Variants in PAK5 observed in about 807,000 individuals in gnomAD.
PAK5 encodes serine/threonine-protein kinase PAK 5.
PAK5 carries 16 observed loss-of-function variants against 65.9 expected under a neutral mutation model. That is an observed-to-expected ratio of 0.24 (90% CI 0.16 to 0.37). The LOEUF (loss-of-function observed/expected upper bound fraction) is 0.37. Among genes scored for constraint, PAK5 ranks in the 10% least tolerant of loss-of-function variants. The pLI is 1.00. For synonymous variants in PAK5, 371 were observed against 354.9 expected, an observed-to-expected ratio of 1.05 and a Z score of -0.51; for missense variants, 785 against 903.9, an observed-to-expected ratio of 0.87 and a Z score of 1.69.
intron 1 of PAK5, among the ~76,000 whole-genome samples, chr20:9,721,436 T>A (rs2048212098): frequency 6.6e-6 from 1 of 151,746 alleles, no homozygotes; most frequent in Non-Finnish European, 1.5e-5. Flanking sequence ...TCAGCTGAGG[T>A]CAGGAGTTTG....
At chr20:9,582,790 A>G (rs2046002034) in intron 3 of PAK5, among the ~76,000 whole-genome samples, 1 of 152,136 alleles carries the variant, frequency 6.6e-6, no homozygotes, top group African/African-American at 2.4e-5. Flanking sequence ...ATTTATTTAT[A>G]TATAAGGATG....
chr20:9,674,161 C>T (rs930894936), intron 2 of PAK5, among the ~76,000 whole-genome samples: 1 of 152,166 alleles, frequency 6.6e-6, no homozygotes, highest in Non-Finnish European at 1.5e-5. Flanking sequence ...AATGGCACGG[C>T]CTTGCTGAAG....
chr20:9,786,140 A>C (rs936789372), intron 1 of PAK5, among the ~76,000 whole-genome samples: 9 of 152,170 alleles, frequency 5.9e-5, no homozygotes, highest in Non-Finnish European at 1.3e-4. Context: ...AAAAGATGAA[A>C]TAATTAAGGG....
intron 3 of PAK5, among the ~76,000 whole-genome samples, chr20:9,590,529 C>T (rs2046150356): frequency 6.6e-6 from 1 of 151,310 alleles, no homozygotes; most frequent in African/African-American, 2.4e-5. Context: ...TCAGGCCCTT[C>T]ACAGAAAAAG....
At chr20:9,728,632 C>T (rs1210750361) in intron 1 of PAK5, among the ~76,000 whole-genome samples, 2 of 152,142 alleles carry the variant, frequency 1.3e-5, no homozygotes, top group East Asian at 3.8e-4. Flanking sequence ...CAACTAAATA[C>T]ATTTTGGATC....
intron 1 of PAK5, among the ~76,000 whole-genome samples, chr20:9,774,558 T>C (rs375102111): frequency 2.0e-5 from 3 of 152,324 alleles, no homozygotes; most frequent in South Asian, 4.1e-4. Context: ...GGATTATTCA[T>C]GGCAGCTTTA....
intron 1 of PAK5, among the ~76,000 whole-genome samples, chr20:9,786,888 G>A (rs752632840): frequency 2.6e-5 from 4 of 152,054 alleles, no homozygotes; most frequent in Admixed American, 6.6e-5. Flanking sequence ...TATAGCTAAA[G>A]GCAAGTCCTA....
chr20:9,552,267 C>T (rs749476787), intron 7 of PAK5, among the ~76,000 whole-genome samples: 23 of 152,150 alleles, frequency 1.5e-4, no homozygotes, highest in Non-Finnish European at 2.8e-4. Flanking sequence ...GTTTGAATTC[C>T]GGCCAATGAA....
chr20:9,544,261 A>G (rs2045309914), intron 8 of PAK5, 108 bp downstream of exon 8: 1 of 1,180,808 alleles, frequency 8.5e-7, no homozygotes, highest in Non-Finnish European at 1.2e-6. Context: ...TCAAATGTGG[A>G]GCTAAAAGTC....
rs1033527147 is a variant in PAK5 at position 9,553,685 on chromosome 20, T to C, written c.1743+3923A>G. On this transcript the variant is annotated intron_variant, in intron 7 of 9. Transcript: ENST00000353224. Reference sequence around the variant, plus strand: ...CAAGTTCTCGTGTGTATCAATTGTTTGTTTTTATTGTTAAGTGGTATTCCA... The same window carrying C: ...CAAGTTCTCGTGTGTATCAATTGTTCGTTTTTATTGTTAAGTGGTATTCCA... Among the ~76,000 whole-genome samples, 46 of 152,332 alleles carry C rather than the reference T, an allele frequency of 3.0e-4. 1 individual carries two copies. The highest frequency in any genetic ancestry group is 2.9e-3 in the Admixed American group (45 of 15,302).
intron 2 of PAK5, among the ~76,000 whole-genome samples, chr20:9,702,530 G>A (rs1319641734): frequency 1.3e-5 from 2 of 152,118 alleles, no homozygotes; most frequent in Non-Finnish European, 2.9e-5. Flanking sequence ...AATTAAAAAC[G>A]GAATAAACAT....
At position 9,542,590 on chromosome 20, in the gene PAK5, T is replaced by C. The variant is rs2045282913; in HGVS notation, c.2000A>G (p.His667Arg). The C allele has an allele frequency of 6.2e-7, 1 of 1,614,026 alleles. No individual in the cohort carries two copies. The highest frequency in any genetic ancestry group is 8.5e-7 in the Non-Finnish European group (1 of 1,179,998). ...DSLPPRVKDL[H>R]KVSSVLRGFL... is the part of the protein sequence containing the mutation. ...GCAACAGCTGCTGTTTCTCACCTTG[T>C]GTAGGTCCTTCACTCTTGGAGGTAA... Residue 667 changes from histidine to arginine, a missense_variant, in exon 9 of 10, where the codon CAC becomes CGC. His to Arg is a conservative substitution (Grantham distance 29). Around this residue, in one of 4 missense-constraint regions of PAK5, gnomAD observed 110 missense variants for 107.4 expected, o/e 1.02. Coordinates refer to ENST00000353224, the MANE Select transcript of PAK5 (RefSeq NM_177990.4).
chr20:9,786,578 G>A (rs975756779), intron 1 of PAK5, among the ~76,000 whole-genome samples: 4 of 152,064 alleles, frequency 2.6e-5, no homozygotes, highest in African/African-American at 9.7e-5. Flanking sequence ...GATCAATTTT[G>A]ATAAAGTGAA....
chr20:9,790,026 A>G (rs909548734), intron 1 of PAK5, among the ~76,000 whole-genome samples: 7 of 152,138 alleles, frequency 4.6e-5, no homozygotes, highest in Non-Finnish European at 8.8e-5. Flanking sequence ...GAGCTGGCAG[A>G]ATTTAGTTTA....
intron 3 of PAK5, among the ~76,000 whole-genome samples, chr20:9,627,641 T>G (rs1335326819): frequency 1.3e-5 from 2 of 152,172 alleles, no homozygotes; most frequent in African/African-American, 4.8e-5. Flanking sequence ...TTTTCTTTTT[T>G]TTTTAAATGG....
At chr20:9,665,358 A>C (rs1029192300) in intron 2 of PAK5, among the ~76,000 whole-genome samples, 4 of 152,064 alleles carry the variant, frequency 2.6e-5, no homozygotes, top group African/African-American at 9.7e-5. Flanking sequence ...CCACAAATCC[A>C]TTCCTCCTGG....
intron 1 of PAK5, among the ~76,000 whole-genome samples, chr20:9,728,694 A>T (rs540524912): frequency 1.3e-5 from 2 of 152,142 alleles, no homozygotes; most frequent in Non-Finnish European, 2.9e-5. Context: ...AAATCAAACA[A>T]GGTCTATAAG....
At chr20:9,583,659 CTT>C (rs1484239864) in intron 3 of PAK5, among the ~76,000 whole-genome samples, 1 of 152,220 alleles carries the variant, frequency 6.6e-6, no homozygotes, top group African/African-American at 2.4e-5. Context: ...TTAATTAACT[CTT>C]TGTGCTGCAA....
At chr20:9,678,188 T>C (rs1213582568) in intron 2 of PAK5, among the ~76,000 whole-genome samples, 1 of 152,240 alleles carries the variant, frequency 6.6e-6, no homozygotes, top group Admixed American at 6.5e-5. Context: ...GATCTTTATT[T>C]CTGTGGGAAA....
Sources: allele counts gnomAD v4.1 joint callset (sites outside exome capture counted in the v4.1 genomes callset), GRCh38; gene constraint gnomAD v4.1.1; regional missense constraint gnomAD v4.1.1; transcripts MANE v1.5; gene names NCBI Gene and HGNC (gene_info 2026-07-23, HGNC 2026-07-21).